The following ACO1 variants were observed in gnomAD, a reference collection of about 807,000 sequenced individuals.
ACO1 encodes cytoplasmic aconitate hydratase.
In ACO1, 78 loss-of-function variants were observed where a neutral mutation model predicts 105.1. That is an observed-to-expected ratio of 0.74 (90% CI 0.62 to 0.90). The LOEUF is 0.90. ACO1 is among the 40% of genes least tolerant of loss of function. The pLI, the probability that ACO1 is intolerant of heterozygous loss-of-function variation, is 0.00. For synonymous variants in ACO1, 364 were observed against 397.4 expected (o/e 0.92, Z 1.00); for missense variants, 965 against 1,111.1 (o/e 0.87, Z 1.87).
rs111793302 is a variant in ACO1 at position 32,432,443 on chromosome 9, A to G, written c.1851+600A>G. Among the ~76,000 whole-genome samples, 274 of 152,204 alleles carry G rather than the reference A, an allele frequency of 1.8e-3. 1 individual carries two copies. The highest frequency in any genetic ancestry group is 6.3e-3 in the African/African-American group (260 of 41,522). On this transcript the variant is annotated intron_variant, in intron 15 of 20. Coordinates refer to ENST00000309951, the MANE Select transcript of ACO1 (RefSeq NM_002197.3). Reference sequence around the variant, plus strand: ...GGCTGATGGTTTAAATGAGGGTAGAACTGTCTAGGGGAAGGGGTGATGTAG... The same window carrying G: ...GGCTGATGGTTTAAATGAGGGTAGAGCTGTCTAGGGGAAGGGGTGATGTAG...
rs567203838 is a variant in ACO1 at position 32,425,877 on chromosome 9, A to T, written c.1228A>T (p.Asn410Tyr). 6.2e-7 allele frequency: 1 copy of T among 1,613,854 alleles called. No individual in the cohort carries two copies. Among genetic ancestry groups the T allele is most frequent in the African/African-American group, 1.3e-5 (1 of 75,030 alleles). ...ATTCCAAGTTGCTCCTGAACATCAT[A>T]ATGACCATAAGACCTTTATCTATGA... The part of the protein sequence containing the change: ...KGFQVAPEHH[N>Y]DHKTFIYDNT... The change falls in exon 11 of 21, where the codon AAT (asparagine) becomes TAT (tyrosine). Residue 410 changes from asparagine to tyrosine, a missense_variant. Coordinates refer to ENST00000309951, the MANE Select transcript of ACO1 (RefSeq NM_002197.3).
intron 1 of ACO1, among the ~76,000 whole-genome samples, chr9:32,401,052 T>G (rs1466256403): frequency 6.6e-6 from 1 of 152,178 alleles, no homozygotes; most frequent in East Asian, 1.9e-4. Context: ...TACTAACATT[T>G]TGTATCTTGA....
At chr9:32,400,153 T>C (rs1821463622) in intron 1 of ACO1, among the ~76,000 whole-genome samples, 1 of 152,020 alleles carries the variant, frequency 6.6e-6, no homozygotes. Context: ...GTACTTTTAG[T>C]AGAGATAGGG....
At chr9:32,436,224 A>C in intron 17 of ACO1, 26 bp from the exon 18 acceptor site, 1 of 1,613,428 alleles carries the variant, frequency 6.2e-7, no homozygotes, top group Non-Finnish European at 8.5e-7. Context: ...TCACTAAGCC[A>C]GCTCCTTTCT....
intron 5 of ACO1, 51 bp downstream of exon 5, chr9:32,418,248 C>T (rs753470136): frequency 8.1e-6 from 13 of 1,611,660 alleles, no homozygotes; most frequent in Middle Eastern, 1.6e-4. Flanking sequence ...AGGCAGGGTA[C>T]GAGGGAGAGA....
At chr9:32,431,202 T>C (rs1822227410) in intron 14 of ACO1, among the ~76,000 whole-genome samples, 1 of 152,242 alleles carries the variant, frequency 6.6e-6, no homozygotes, top group African/African-American at 2.4e-5. Context: ...GAAAACTTTA[T>C]ATCATTCAAC....
At position 32,439,850 on chromosome 9, in the gene ACO1, T is replaced by C. The variant is rs1746685299; in HGVS notation, c.2248-615T>C. On this transcript the variant is annotated intron_variant, in intron 18 of 20. Coordinates refer to ENST00000309951, the MANE Select transcript of ACO1 (RefSeq NM_002197.3). This position sits in a 1 kb window ranked among gnomAD's most constrained non-coding sequence, Gnocchi z 4.0. ...TTGAGTTTTAAAATAATTTAGTCAA[T>C]GGAAAAGAAAAAATCTGATCTAGTT... 6.6e-6 allele frequency among the ~76,000 whole-genome samples: 1 copy of C among 152,246 alleles called. No homozygotes were observed. The highest frequency in any genetic ancestry group is 2.4e-5 in the African/African-American group (1 of 41,462).
At chr9:32,424,520 C>CTA in intron 9 of ACO1, 29 bp from the exon 10 acceptor site, 1 of 1,486,652 alleles carries the variant, frequency 6.7e-7, no homozygotes, top group Non-Finnish European at 9.3e-7. Flanking sequence ...AATGTAAATT[C>CTA]TATAATTTCT....
intron 1 of ACO1, among the ~76,000 whole-genome samples, chr9:32,402,189 C>T: frequency 6.7e-6 from 1 of 150,138 alleles, no homozygotes; most frequent in Non-Finnish European, 1.5e-5. Context: ...TTCCTTCCTT[C>T]TTTTTTTTTT....
chr9:32,452,686 A>C lies in ACO1; in HGVS notation c.*2575A>C, dbSNP rs1822793839. 6.6e-6 allele frequency: 1 copy of C among 152,092 alleles called. No individual in the cohort carries two copies. Among genetic ancestry groups the C allele is most frequent in the African/African-American group, 2.4e-5 (1 of 41,402 alleles). The allele number at this position is 152,092 out of a possible 1,614,324, so 9.4% of individuals were successfully genotyped here. On this transcript the variant is annotated 3_prime_UTR_variant, in exon 21 of 21. Coordinates refer to ENST00000309951, the MANE Select transcript of ACO1 (RefSeq NM_002197.3). ...CCTTTTCGGTAAAAATATCTTCGCCAGGCACGGTGTCTCATGCCTATGATC... is the reference window on the plus strand; with the variant it reads ...CCTTTTCGGTAAAAATATCTTCGCCCGGCACGGTGTCTCATGCCTATGATC...
At chr9:32,433,541 G>C (rs1420926486) in intron 15 of ACO1, among the ~76,000 whole-genome samples, 187 bp from the exon 16 acceptor site, 1 of 152,100 alleles carries the variant, frequency 6.6e-6, no homozygotes, top group Non-Finnish European at 1.5e-5. Context: ...CCAGCCCACA[G>C]TGTCTCTGGA....
chr9:32,435,449 G>C (rs1318856327), intron 17 of ACO1, among the ~76,000 whole-genome samples: 3 of 152,078 alleles, frequency 2.0e-5, no homozygotes, highest in Non-Finnish European at 4.4e-5. Flanking sequence ...ATAGTTTCAG[G>C]GATTCCAAGA....
In ACO1 at chr9:32,428,064, C is replaced by T. The variant is rs186096544; in HGVS notation, c.1484+628C>T. ...CCAGGGCAAGAGGATTGCTTCAAGC[C>T]AGGAGTTTGAAACTAGCCAGGGCAA... On this transcript the variant is annotated intron_variant, in intron 12 of 20. Transcript: ENST00000309951. Among the ~76,000 whole-genome samples the T allele has an allele frequency of 3.6e-3, 542 of 151,588 alleles. 4 individuals are homozygous for T. Among genetic ancestry groups the T allele is most frequent in the African/African-American group, 0.012 (502 of 41,308 alleles).
intron 8 of ACO1, among the ~76,000 whole-genome samples, chr9:32,421,670 G>A (rs1327880889): frequency 2.6e-5 from 4 of 152,154 alleles, no homozygotes; most frequent in East Asian, 1.9e-4. Context: ...CCAACATGGC[G>A]AAACTCCCAG....
Position 32,385,278 on chromosome 9 carries a change from C to A in ACO1, c.-23+543C>A, listed in dbSNP as rs564867087. On this transcript the variant is annotated intron_variant, in intron 1 of 20. Coordinates refer to ENST00000309951, the MANE Select transcript of ACO1 (RefSeq NM_002197.3). ...AAAGGAGCTTGGGCTGCAGTTATGACCAAGTCATTTTTTTCTAGATTCAGC... is the reference window on the plus strand; with the variant it reads ...AAAGGAGCTTGGGCTGCAGTTATGAACAAGTCATTTTTTTCTAGATTCAGC... 6.6e-5 allele frequency among the ~76,000 whole-genome samples: 10 copies of A among 152,290 alleles called. No homozygotes were observed. The East Asian group carries it at 1.9e-3, about 29-fold the overall frequency.
At chr9:32,448,853 A>AAAAG in intron 19 of ACO1, 43 bp from the exon 20 acceptor site, 4 of 1,610,356 alleles carry the variant, frequency 2.5e-6, no homozygotes, top group South Asian at 2.2e-5. Flanking sequence ...GTATCCAAAG[A>AAAAG]AAAGATTGGA....
chr9:32,414,063 G>A (rs568287078), intron 4 of ACO1, among the ~76,000 whole-genome samples: 160 of 152,222 alleles, frequency 1.1e-3, no homozygotes, highest in African/African-American at 3.7e-3. Flanking sequence ...TGAGGCCCGG[G>A]AATGGCGTGA....
Position 32,433,761 on chromosome 9 carries a change from C to G in ACO1, c.1885C>G (p.Pro629Ala). 1.2e-6 allele frequency: 2 copies of G among 1,612,616 alleles called. No homozygotes were observed. The highest frequency in any genetic ancestry group is 1.1e-5 in the South Asian group (1 of 90,512). The part of the protein sequence containing the change: ...VNESWNALAT[P>A]SDKLFFWNSK... Reference sequence around the variant, plus strand: ...TGAAAGCTGGAATGCCTTAGCAACCCCATCAGATAAGCTGTTTTTCTGGAA... The same window carrying G: ...TGAAAGCTGGAATGCCTTAGCAACCGCATCAGATAAGCTGTTTTTCTGGAA... Residue 629 changes from proline (P) to alanine (A), a missense_variant, in exon 16 of 21, where the codon CCA (proline) becomes GCA (alanine). Pro to Ala is a conservative substitution (Grantham distance 27). Transcript: ENST00000309951.
intron 1 of ACO1, among the ~76,000 whole-genome samples, chr9:32,392,825 C>T (rs1406728303): frequency 6.6e-6 from 1 of 152,204 alleles, no homozygotes. Context: ...TTTATTAGTT[C>T]CCCAAATTAA....
Sources: gnomAD v4.1 joint callset for allele counts (sites outside exome capture counted in the v4.1 genomes callset) on GRCh38, gnomAD v4.1.1 for gene constraint, Gnocchi (gnomAD v3.1) non-coding constraint, MANE v1.5 for transcripts, NCBI Gene and HGNC (gene_info 2026-07-23, HGNC 2026-07-21) for gene names.